The following NID1 variants were observed in gnomAD, a reference collection of about 807,000 sequenced individuals.
NID1 encodes the protein nidogen-1.
A neutral mutation model predicts 130.6 loss-of-function variants in NID1; 76 were observed. The ratio of observed to expected loss-of-function variants is 0.58; its 90% CI spans 0.48 to 0.70. The LOEUF is 0.70. Ranked by LOEUF, NID1 falls within the 30% of genes least tolerant of loss-of-function variation. The pLI is 0.00. For synonymous variants in NID1, 665 were observed against 675.1 expected (o/e 0.98, Z 0.23); for missense variants, 1,517 against 1,664.8 (o/e 0.91, Z 1.54).
At position 236,029,682 on chromosome 1, in the gene NID1, G is replaced by A. The variant is rs764934134; in HGVS notation, c.1606C>T (p.Arg536Trp). The change falls in exon 7 of 20, where the codon CGG becomes TGG. Residue 536 changes from arginine to tryptophan, a missense_variant. Arg to Trp is a moderately radical substitution (Grantham distance 101). Coordinates refer to ENST00000264187, the MANE Select transcript of NID1 (RefSeq NM_002508.3). The stretch of plus-strand genomic sequence containing the variant: ...CCATGCTCATCGATGCCGCTGAACC[G>A]CTGCTTAATGACCAGATTGCCCGGG... ...GHPGNLVIKQ[R>W]FSGIDEHGHL... The A allele has an allele frequency of 8.7e-6, 14 of 1,613,924 alleles. No individual in the cohort carries two copies. In the Admixed American group the frequency reaches 1.2e-4, roughly 13 times the overall value.
intron 12 of NID1, among the ~76,000 whole-genome samples, chr1:235,998,872 A>G (rs772035124): frequency 6.6e-6 from 1 of 152,196 alleles, no homozygotes; most frequent in Non-Finnish European, 1.5e-5. Context: ...TGAAACTCAG[A>G]GAAGTTGAGA....
At chr1:236,029,828 G>T in intron 6 of NID1, 78 bp from the exon 7 acceptor site, 1 of 1,411,490 alleles carries the variant, frequency 7.1e-7, no homozygotes, top group Non-Finnish European at 9.9e-7. Flanking sequence ...ACAGTGTGGA[G>T]TGGGGTTGGT....
At chr1:236,006,370 T>A (rs1572591504) in intron 12 of NID1, among the ~76,000 whole-genome samples, 1 of 152,158 alleles carries the variant, frequency 6.6e-6, no homozygotes, top group Non-Finnish European at 1.5e-5. Context: ...ACACTCCCGA[T>A]GAAAGATCAC....
chr1:235,981,567 G>A (rs1344995479), intron 16 of NID1, 44 bp downstream of exon 16: 1 of 1,567,476 alleles, frequency 6.4e-7, no homozygotes, highest in Admixed American at 1.8e-5. Context: ...TAAAAGGGCA[G>A]ATGCAAATCA....
Position 236,026,128 on chromosome 1 carries a change from G to A in NID1, c.1752C>T (p.Ser584=). 2 of 1,613,810 alleles carry A rather than the reference G, an allele frequency of 1.2e-6. No individual in the cohort carries two copies. The highest frequency in any genetic ancestry group is 1.7e-6 in the Non-Finnish European group (2 of 1,179,908). The change falls in exon 8 of 20, where the codon TCC becomes TCT. Residue 584 remains serine, a synonymous_variant. Coordinates refer to ENST00000264187, the MANE Select transcript of NID1 (RefSeq NM_002508.3). ...CAGTCACCGTGTACTCCCGGGTGGA[G>A]GAGGAAGTGATCACTGCAGAGTGGG... The part of the protein sequence containing the change: ...YHYSTSVITS[S]STREYTVTEP...
At chr1:235,989,859 T>A (rs1319149600) in intron 14 of NID1, among the ~76,000 whole-genome samples, 1 of 152,162 alleles carries the variant, frequency 6.6e-6, no homozygotes, top group East Asian at 1.9e-4. Flanking sequence ...CCTGGTGTGT[T>A]CCAGGACCAG....
At chr1:235,991,385 T>G (rs183753078) in intron 13 of NID1, among the ~76,000 whole-genome samples, 10 of 152,178 alleles carry the variant, frequency 6.6e-5, no homozygotes, top group African/African-American at 2.4e-4. Context: ...CAGGCCAGAG[T>G]GCAATGGTGC....
chr1:235,997,348 T>C (rs7547775), intron 12 of NID1, among the ~76,000 whole-genome samples: 9,285 of 152,230 alleles, frequency 0.061, 973 homozygotes, highest in African/African-American at 0.21. Flanking sequence ...TAAAACTTCA[T>C]TTACAAAAAC....
chr1:235,996,068 C>A (rs1309976514), intron 12 of NID1, among the ~76,000 whole-genome samples: 1 of 152,170 alleles, frequency 6.6e-6, no homozygotes, highest in East Asian at 1.9e-4. Flanking sequence ...GCAGGAGGAT[C>A]TCTAGAGCCC....
chr1:236,007,269 GT>G (rs745326340), intron 12 of NID1, among the ~76,000 whole-genome samples: 1 of 152,222 alleles, frequency 6.6e-6, no homozygotes, highest in Admixed American at 6.6e-5. Flanking sequence ...CCTGGACCAG[GT>G]TTTACATTTC....
intron 1 of NID1, among the ~76,000 whole-genome samples, chr1:236,057,504 C>A (rs61010605): frequency 6.6e-6 from 1 of 151,246 alleles, no homozygotes; most frequent in Admixed American, 6.6e-5. Context: ...CTGAGGCGGG[C>A]GGATCACCTG....
chr1:236,033,360 C>G (rs1659156922), intron 5 of NID1, among the ~76,000 whole-genome samples: 2 of 152,158 alleles, frequency 1.3e-5, no homozygotes. Flanking sequence ...TTCATTGGGA[C>G]AGCAAGGCTA....
At chr1:235,988,817 A>G (rs955259719) in intron 14 of NID1, among the ~76,000 whole-genome samples, 3 of 152,186 alleles carry the variant, frequency 2.0e-5, no homozygotes, top group Non-Finnish European at 4.4e-5. Context: ...AGAAAAGTCA[A>G]AAGTATAAGG....
chr1:236,061,701 T>G (rs1018206352), intron 1 of NID1, among the ~76,000 whole-genome samples: 2 of 152,094 alleles, frequency 1.3e-5, no homozygotes, highest in Non-Finnish European at 2.9e-5. Context: ...TGAAGTATTC[T>G]TGTTGAAAGA....
intron 12 of NID1, among the ~76,000 whole-genome samples, chr1:235,999,639 C>G (rs373471317): frequency 5.3e-5 from 8 of 151,962 alleles, no homozygotes; most frequent in African/African-American, 7.2e-5. Flanking sequence ...TCATCTAGTT[C>G]GAGCTGCTAG....
intron 12 of NID1, among the ~76,000 whole-genome samples, chr1:236,007,498 A>G (rs1658284738): frequency 6.6e-6 from 1 of 152,170 alleles, no homozygotes; most frequent in Admixed American, 6.5e-5. Flanking sequence ...CCCGAGACTG[A>G]TGGTATCAAC....
At chr1:236,039,010 A>G (rs1219655850) in intron 4 of NID1, among the ~76,000 whole-genome samples, 3 of 115,938 alleles carry the variant, frequency 2.6e-5, no homozygotes, top group South Asian at 2.8e-4. Flanking sequence ...TAAATATATA[A>G]TATATATTTA....
At chr1:236,063,471 C>CAAAA (rs34798558) in intron 1 of NID1, among the ~76,000 whole-genome samples, 17 of 136,826 alleles carry the variant, frequency 1.2e-4, no homozygotes, top group African/African-American at 2.7e-4. Flanking sequence ...GACTCTGTCT[C>CAAAA]AAAAAAAAAA....
In NID1 at chr1:235,991,211, C is replaced by G. The variant is rs563625893; in HGVS notation, c.2756-153G>C. Among the ~76,000 whole-genome samples, 5 of 152,316 alleles carry G rather than the reference C, an allele frequency of 3.3e-5. No homozygotes were observed. The South Asian group carries it at 8.3e-4, about 25-fold the overall frequency. The stretch of plus-strand genomic sequence containing the variant: ...ACCTTCATGGCACCACAAACTGCCA[C>G]AGCCACACAATGCCCATTTTATAGC... On this transcript the variant is annotated intron_variant, in intron 13 of 19. Transcript: ENST00000264187.
Sources: gnomAD v4.1 joint callset for allele counts (sites outside exome capture counted in the v4.1 genomes callset) on GRCh38, gnomAD v4.1.1 for gene constraint, MANE v1.5 for transcripts, NCBI Gene and HGNC (gene_info 2026-07-23, HGNC 2026-07-21) for gene names.